LARP1B: variants seen among roughly 807,000 people sequenced by gnomAD.
LARP1B encodes the protein la-related protein 1B.
LARP1B carries 76 observed loss-of-function variants against 114.2 expected under a neutral mutation model. That is an observed-to-expected ratio of 0.67 (90% CI 0.55 to 0.81). The LOEUF is 0.81. Ranked by LOEUF, LARP1B falls within the 30% of genes least tolerant of loss-of-function variation. The probability of loss-of-function intolerance (pLI) is 0.00; values close to 1 mark genes in which losing one functional copy is unlikely to be tolerated. For synonymous variants in LARP1B, 345 were observed against 348.0 expected (o/e 0.99, Z 0.10); for missense variants, 1,014 against 1,075.8 (o/e 0.94, Z 0.80).
intron 11 of LARP1B, among the ~76,000 whole-genome samples, chr4:128,126,766 A>G (rs936592457): frequency 2.6e-5 from 4 of 151,838 alleles, no homozygotes; most frequent in African/African-American, 9.7e-5. Context: ...AAGTTTTGTA[A>G]TTTAACATCT....
At chr4:128,152,517 A>ATTTATTTTTTATTTT (rs1252984439) in intron 11 of LARP1B, among the ~76,000 whole-genome samples, 1 of 150,230 alleles carries the variant, frequency 6.7e-6, no homozygotes, top group African/African-American at 2.4e-5. Flanking sequence ...GGTGATTTTT[A>ATTTATTTTTTATTTT]TTTATTTTTT....
At chr4:128,138,832 C>T (rs1726612577) in intron 11 of LARP1B, among the ~76,000 whole-genome samples, 1 of 152,120 alleles carries the variant, frequency 6.6e-6, no homozygotes, top group Admixed American at 6.6e-5. Flanking sequence ...TGGTAGGCAC[C>T]TGTAGTCCGA....
intron 12 of LARP1B, among the ~76,000 whole-genome samples, chr4:128,164,839 T>C (rs1481787876): frequency 6.6e-6 from 1 of 151,698 alleles, no homozygotes; most frequent in Non-Finnish European, 1.5e-5. Context: ...AAAAAGCAAA[T>C]GAAAACTAAA....
chr4:128,127,300 T>C (rs185225620), intron 11 of LARP1B, among the ~76,000 whole-genome samples: 1 of 152,334 alleles, frequency 6.6e-6, no homozygotes, highest in East Asian at 1.9e-4. Context: ...CCTAAGTGAA[T>C]ATTAACTGTA....
chr4:128,193,253 G>C (rs1049552769), intron 15 of LARP1B, among the ~76,000 whole-genome samples: 1 of 152,182 alleles, frequency 6.6e-6, no homozygotes, highest in Non-Finnish European at 1.5e-5. Context: ...AGTTTGAGTA[G>C]ATAGTTTAGC....
chr4:128,092,981 C>T (rs1265207804), intron 7 of LARP1B: 1 of 985,276 alleles, frequency 1.0e-6, no homozygotes, highest in Non-Finnish European at 1.2e-6. Flanking sequence ...AGAGCTACTT[C>T]AGTGTTGACA....
chr4:128,178,059 T>G (rs1043926189), intron 13 of LARP1B, among the ~76,000 whole-genome samples: 3 of 146,418 alleles, frequency 2.0e-5, no homozygotes, highest in South Asian at 2.1e-4. Flanking sequence ...TATATATATA[T>G]AGCATTATGT....
chr4:128,067,908 T>G lies in LARP1B; in HGVS notation c.-78+6507T>G, dbSNP rs538316771. 2.0e-5 allele frequency among the ~76,000 whole-genome samples: 3 copies of G among 151,762 alleles called. No individual in the cohort carries two copies. The East Asian group carries it at 5.8e-4, about 30-fold the overall frequency. On this transcript the variant is annotated intron_variant, in intron 1 of 19. Coordinates refer to ENST00000326639, the MANE Select transcript of LARP1B (RefSeq NM_018078.4). The stretch of plus-strand genomic sequence containing the variant: ...TTTTTGTTTTTGTTTTGAGATGGAG[T>G]CTCGCTTTGCCACCCAGGCTGGACT...
chr4:128,205,437 C>G (rs758048246), intron 17 of LARP1B, among the ~76,000 whole-genome samples: 1 of 152,228 alleles, frequency 6.6e-6, no homozygotes, highest in Non-Finnish European at 1.5e-5. Context: ...TGCTCATCAC[C>G]TGTGGTTGAA....
At chr4:128,194,246 T>C (rs1428645130) in intron 15 of LARP1B, among the ~76,000 whole-genome samples, 2 of 151,952 alleles carry the variant, frequency 1.3e-5, no homozygotes, top group Admixed American at 6.5e-5. Flanking sequence ...CTAATTTTTG[T>C]ATTTTAATAG....
chr4:128,177,242 G>A (rs759779885), intron 13 of LARP1B, among the ~76,000 whole-genome samples: 1 of 152,172 alleles, frequency 6.6e-6, no homozygotes, highest in African/African-American at 2.4e-5. Flanking sequence ...GAAGAAAATG[G>A]ATTGGGAGAG....
intron 11 of LARP1B, among the ~76,000 whole-genome samples, chr4:128,138,410 A>T (rs1726407011): frequency 6.6e-6 from 1 of 152,208 alleles, no homozygotes; most frequent in Non-Finnish European, 1.5e-5. Flanking sequence ...ATGACAATTT[A>T]AAAATCTTCA....
intron 8 of LARP1B, among the ~76,000 whole-genome samples, chr4:128,098,763 ATATATT>A (rs1226544662): frequency 5.6e-5 from 2 of 35,504 alleles, no homozygotes; most frequent in Non-Finnish European, 1.1e-4. Context: ...ATATATATAT[ATATATT>A]TTTTTTTTTT....
At chr4:128,155,474 A>C in intron 11 of LARP1B, 1 of 774,226 alleles carries the variant, frequency 1.3e-6, no homozygotes, top group Admixed American at 1.7e-5. Flanking sequence ...GCCGCAGTGC[A>C]GGCAGCCCAG....
At position 128,211,624 on chromosome 4, in the gene LARP1B, T is replaced by A; in HGVS notation, c.*1571T>A. The A allele has an allele frequency of 5.1e-6, 5 of 977,154 alleles. No homozygotes were observed. The highest frequency in any genetic ancestry group is 6.1e-6 in the Non-Finnish European group (5 of 822,460). The allele number at this position is 977,154 out of a possible 1,614,324, so 60.5% of individuals were successfully genotyped here. A position where few individuals can be genotyped will look rare whatever the true frequency, so the allele number is the denominator to read the frequency against. ...TGGGTTAGAATAATAGATCTTCAAG[T>A]CTTTTCTTAAATGGGGTATGTAGTT... On this transcript the variant is annotated 3_prime_UTR_variant, in exon 20 of 20. Coordinates refer to ENST00000326639, the MANE Select transcript of LARP1B (RefSeq NM_018078.4).
intron 9 of LARP1B, chr4:128,107,625 AAT>A: frequency 1.4e-6 from 2 of 1,405,392 alleles, no homozygotes; most frequent in African/African-American, 2.9e-5. Context: ...TCCCCTGTAA[AAT>A]TGGAATAGTA....
At chr4:128,189,206 C>G (rs1033459783) in intron 15 of LARP1B, among the ~76,000 whole-genome samples, 2 of 147,382 alleles carry the variant, frequency 1.4e-5, no homozygotes, top group Admixed American at 1.4e-4. Flanking sequence ...TAAATTGTTA[C>G]AGCCTCTTGC....
Position 128,114,704 on chromosome 4 carries a change from G to C in LARP1B, c.1123G>C (p.Val375Leu). The C allele has an allele frequency of 6.2e-7, 1 of 1,614,034 alleles. No homozygotes were observed. Among genetic ancestry groups the C allele is most frequent in the South Asian group, 1.1e-5 (1 of 91,076 alleles). Reference protein sequence around the residue: ...PDLDSEPWIEVKKRHQPAPVK... With the variant: ...PDLDSEPWIELKKRHQPAPVK... The stretch of plus-strand genomic sequence containing the variant: ...CTTGGACTCAGAACCTTGGATAGAA[G>C]TTAAAAAAAGACATCAGCCAGCCCC... The change falls in exon 10 of 20, where the codon GTT becomes CTT. Residue 375 changes from valine (V) to leucine (L), a missense_variant. Coordinates refer to ENST00000326639, the MANE Select transcript of LARP1B (RefSeq NM_018078.4).
intron 8 of LARP1B, among the ~76,000 whole-genome samples, chr4:128,102,876 T>A (rs1780773697): frequency 6.6e-6 from 1 of 152,220 alleles, no homozygotes; most frequent in Non-Finnish European, 1.5e-5. Context: ...CTGTGCCTGC[T>A]ACTTTCATCT....
Sources: gnomAD v4.1 joint callset for allele counts (sites outside exome capture counted in the v4.1 genomes callset) on GRCh38, gnomAD v4.1.1 for gene constraint, MANE v1.5 for transcripts, NCBI Gene and HGNC (gene_info 2026-07-23, HGNC 2026-07-21) for gene names.